Variants in FRMD4B observed in about 807,000 individuals in gnomAD.
FRMD4B encodes FERM domain containing 4B.
Under a neutral mutation model 141.5 loss-of-function variants are expected in FRMD4B, and 74 were observed. The observed-to-expected ratio is 0.52, with a 90% CI of 0.43 to 0.63. FRMD4B has a LOEUF of 0.63. Among genes scored for constraint, FRMD4B ranks in the 30% least tolerant of loss-of-function variants. The pLI, the probability that FRMD4B is intolerant of heterozygous loss-of-function variation, is 0.00. For missense variants in FRMD4B, 1,366 were observed against 1,253.4 expected (o/e 1.09, Z -1.36); for synonymous variants, 506 against 467.9 (o/e 1.08, Z -1.05).
chr3:69,309,412 G>T (rs902845687), intron 3 of FRMD4B, among the ~76,000 whole-genome samples: 1 of 151,246 alleles, frequency 6.6e-6, no homozygotes, highest in African/African-American at 2.4e-5. Flanking sequence ...AAAGTGTTAG[G>T]ATCACAGGTG....
intron 22 of FRMD4B, among the ~76,000 whole-genome samples, chr3:69,174,142 G>A (rs200462781): frequency 3.4e-4 from 49 of 142,924 alleles, no homozygotes; most frequent in Non-Finnish European, 3.4e-4. Context: ...GTCTTGGGAA[G>A]AAAAAAAAAA....
chr3:69,194,907 G>C, intron 16 of FRMD4B, 115 bp downstream of exon 16: 1 of 910,192 alleles, frequency 1.1e-6, no homozygotes, highest in Admixed American at 2.3e-5. Flanking sequence ...CGATCCATCT[G>C]TACTGGTGAG....
At position 69,169,489 on chromosome 3, in the gene FRMD4B, C is replaced by A. The variant is rs1192278261; in HGVS notation, c.*2372G>T. Among the ~76,000 whole-genome samples the A allele has an allele frequency of 6.6e-6, 1 of 151,762 alleles. No homozygotes were observed. The highest frequency in any genetic ancestry group is 1.5e-5 in the Non-Finnish European group (1 of 67,978). On this transcript the variant is annotated 3_prime_UTR_variant, in exon 23 of 23. Transcript: ENST00000398540. ...CCTCCCAACTCAGCCTCCCAAGTAG[C>A]TGAGATTACAGGCACACATCACCAT...
At chr3:69,229,028 T>G (rs533451091) in intron 7 of FRMD4B, among the ~76,000 whole-genome samples, 6,801 of 149,798 alleles carry the variant, frequency 0.045, 370 homozygotes, top group African/African-American at 0.12. Flanking sequence ...TTTTTTTTTT[T>G]TTTTGTTTTG....
At chr3:69,289,908 A>C (rs1700816985) in intron 4 of FRMD4B, among the ~76,000 whole-genome samples, 1 of 152,220 alleles carries the variant, frequency 6.6e-6, no homozygotes, top group Non-Finnish European at 1.5e-5. Flanking sequence ...CAACTTTTGT[A>C]ACTGTCCCCT....
intron 1 of FRMD4B, among the ~76,000 whole-genome samples, chr3:69,477,373 G>A (rs1462660278): frequency 2.1e-5 from 3 of 145,976 alleles, no homozygotes; most frequent in Admixed American, 6.7e-5. Context: ...TTTGAGATAC[G>A]TCCCATCAAT....
At chr3:69,529,131 C>T (rs1006831011) in intron 1 of FRMD4B, among the ~76,000 whole-genome samples, 21 of 152,192 alleles carry the variant, frequency 1.4e-4, no homozygotes, top group African/African-American at 4.8e-4. Context: ...GCAGCGTCTG[C>T]TATAGTAATC....
chr3:69,383,289 C>T (rs969519949), intron 1 of FRMD4B, among the ~76,000 whole-genome samples: 1 of 152,154 alleles, frequency 6.6e-6, no homozygotes, highest in Non-Finnish European at 1.5e-5. Context: ...ATTTGAAAAG[C>T]ATTAAAAAAT....
intron 1 of FRMD4B, among the ~76,000 whole-genome samples, chr3:69,449,308 G>A (rs764772272): frequency 6.6e-6 from 1 of 152,184 alleles, no homozygotes; most frequent in Non-Finnish European, 1.5e-5. Flanking sequence ...GCATGAAGAC[G>A]TGCATGATGA....
intron 2 of FRMD4B, among the ~76,000 whole-genome samples, chr3:69,420,298 A>AAC (rs928702953): frequency 6.6e-6 from 1 of 151,772 alleles, no homozygotes; most frequent in Non-Finnish European, 1.5e-5. Context: ...ATCAAAAAAA[A>AAC]AAAAAAACAA....
At chr3:69,211,819 T>C (rs1285121043) in intron 11 of FRMD4B, among the ~76,000 whole-genome samples, 2 of 152,208 alleles carry the variant, frequency 1.3e-5, no homozygotes, top group Non-Finnish European at 2.9e-5. Context: ...AGCTGAAGCA[T>C]GATCCTCCTT....
intron 1 of FRMD4B, 39 bp downstream of exon 1, chr3:69,385,789 T>C: frequency 6.8e-7 from 1 of 1,480,926 alleles, no homozygotes; most frequent in Non-Finnish European, 9.0e-7. Flanking sequence ...GTGCCCGGCA[T>C]CCTGCTGGGG....
chr3:69,422,555 T>A (rs1704999243), intron 2 of FRMD4B, among the ~76,000 whole-genome samples: 1 of 152,142 alleles, frequency 6.6e-6, no homozygotes, highest in South Asian at 2.1e-4. Context: ...AGGTCAGTAG[T>A]CACCAAACTT....
chr3:69,450,809 A>G (rs1705485556), intron 1 of FRMD4B, among the ~76,000 whole-genome samples: 1 of 151,904 alleles, frequency 6.6e-6, no homozygotes, highest in African/African-American at 2.4e-5. Context: ...ACAACAAAAA[A>G]TGTAAGCCAG....
intron 4 of FRMD4B, among the ~76,000 whole-genome samples, chr3:69,290,555 T>C (rs1442979893): frequency 1.3e-5 from 2 of 152,184 alleles, no homozygotes; most frequent in African/African-American, 4.8e-5. Flanking sequence ...TGTTTCCTGC[T>C]TTCTTGGCTT....
intron 1 of FRMD4B, among the ~76,000 whole-genome samples, chr3:69,449,837 A>T (rs1305391899): frequency 6.6e-6 from 1 of 152,220 alleles, no homozygotes; most frequent in African/African-American, 2.4e-5. Context: ...TTAACAATTT[A>T]AAATTGTTAA....
intron 1 of FRMD4B, among the ~76,000 whole-genome samples, chr3:69,376,155 G>T (rs970933410): frequency 1.3e-5 from 2 of 151,966 alleles, no homozygotes; most frequent in African/African-American, 4.8e-5. Flanking sequence ...AAACATGCCT[G>T]GGAATAAAAA....
intron 1 of FRMD4B, among the ~76,000 whole-genome samples, chr3:69,482,583 G>T (rs1037932927): frequency 6.6e-6 from 1 of 152,248 alleles, no homozygotes; most frequent in Non-Finnish European, 1.5e-5. Flanking sequence ...CCTTAAAAGA[G>T]CATGTTTCAT....
chr3:69,444,694 T>G (rs879489764), intron 1 of FRMD4B, among the ~76,000 whole-genome samples: 1 of 152,192 alleles, frequency 6.6e-6, no homozygotes, highest in Admixed American at 6.5e-5. Flanking sequence ...CCATTATTAC[T>G]CAAACAGGAT....
Sources: gnomAD v4.1 joint callset for allele counts (sites outside exome capture counted in the v4.1 genomes callset) on GRCh38, gnomAD v4.1.1 for gene constraint, MANE v1.5 for transcripts, NCBI Gene and HGNC (gene_info 2026-07-23, HGNC 2026-07-21) for gene names.